Variants in TRAF6 observed in about 807,000 individuals in gnomAD.
The protein encoded by TRAF6 is TNF receptor-associated factor 6.
In TRAF6, 10 loss-of-function variants were observed where a neutral mutation model predicts 48.4. The ratio of observed to expected loss-of-function variants is 0.21; its 90% confidence interval spans 0.13 to 0.35. TRAF6 has a LOEUF of 0.35. Among genes scored for constraint, TRAF6 ranks in the 10% least tolerant of loss-of-function variants. The pLI is 1.00. For missense variants in TRAF6, 397 were observed against 661.0 expected, an observed-to-expected ratio of 0.60 and a Z score of 4.38; for synonymous variants, 186 against 219.6, an observed-to-expected ratio of 0.85 and a Z score of 1.35.
chr11:36,499,660 G>A (rs960788687), intron 2 of TRAF6, among the ~76,000 whole-genome samples: 12 of 152,242 alleles, frequency 7.9e-5, no homozygotes, highest in Admixed American at 7.2e-4. Context: ...TTAAGTCAGC[G>A]CTGTGTAATA....
At position 36,489,738 on chromosome 11, in the gene TRAF6, A is replaced by T; in HGVS notation, c.*100T>A. ...CTAACAACACTCACTAGTAGATATT[A>T]CATATTTCCCGTGGCTTGTTTGTTT... is the stretch of plus-strand genomic sequence containing the variant. On this transcript the variant is annotated 3_prime_UTR_variant, in exon 7 of 7. Coordinates refer to ENST00000526995, the MANE Select transcript of TRAF6 (RefSeq NM_004620.4). The T allele has an allele frequency of 8.1e-7, 1 of 1,228,662 alleles. No homozygotes were observed. The highest frequency in any genetic ancestry group is 1.2e-6 in the Non-Finnish European group (1 of 868,562). 76.1% of individuals were successfully genotyped at this position (1,228,662 alleles called of 1,614,324 possible).
chr11:36,499,788 AG>A (rs1328657581), intron 2 of TRAF6, among the ~76,000 whole-genome samples: 2 of 152,226 alleles, frequency 1.3e-5, no homozygotes, highest in African/African-American at 4.8e-5. Flanking sequence ...TTAATGTAAA[AG>A]TTGGCAGATA....
chr11:36,502,498 T>C (rs1859731431), intron 1 of TRAF6, among the ~76,000 whole-genome samples: 2 of 152,112 alleles, frequency 1.3e-5, no homozygotes, highest in African/African-American at 4.8e-5. Context: ...CTAGTATGTG[T>C]CAGATATCAT....
Position 36,510,093 on chromosome 11 carries a change from C to G in TRAF6, c.-68G>C, listed in dbSNP as rs1158463484. 1.3e-5 allele frequency: 2 copies of G among 152,418 alleles called. No individual in the cohort carries two copies. Among genetic ancestry groups the G allele is most frequent in the Non-Finnish European group, 2.9e-5 (2 of 68,232 alleles). 9.4% of individuals were successfully genotyped at this position (152,418 alleles called of 1,614,324 possible). The stretch of plus-strand genomic sequence containing the variant: ...CCGAACCAGGAGGGCAGGGCTCCCC[C>G]ACCAACCGCACGACTCCGCTCAGCC... On this transcript the variant is annotated 5_prime_UTR_variant, in exon 1 of 7. Transcript: ENST00000526995.
chr11:36,497,287 G>C (rs1319770345), intron 3 of TRAF6, 21 bp from the exon 4 acceptor site: 8 of 1,601,354 alleles, frequency 5.0e-6, no homozygotes, highest in Non-Finnish European at 6.8e-6. Flanking sequence ...AAAAATAATG[G>C]ATTAGCATTA....
At chr11:36,508,573 A>G (rs538672335) in intron 1 of TRAF6, among the ~76,000 whole-genome samples, 9 of 152,316 alleles carry the variant, frequency 5.9e-5, no homozygotes, top group African/African-American at 1.9e-4. Context: ...AAATGAGTCA[A>G]TTTTAAGTCA....
chr11:36,497,418 T>C (rs937593861), intron 3 of TRAF6, 152 bp from the exon 4 acceptor site: 7 of 666,772 alleles, frequency 1.0e-5, no homozygotes, highest in African/African-American at 1.9e-5. Context: ...TGAACGTCTT[T>C]AGCGAATTTT....
intron 1 of TRAF6, among the ~76,000 whole-genome samples, chr11:36,509,300 C>T (rs1859861909): frequency 6.6e-6 from 1 of 152,208 alleles, no homozygotes; most frequent in African/African-American, 2.4e-5. Context: ...TCAAGACAGT[C>T]CTAACTCAGC....
rs555734065 is a variant in TRAF6, at chr11:36,488,587, T to G, written c.*1251A>C. 7.2e-5 allele frequency: 11 copies of G among 152,386 alleles called. No homozygotes were observed. The East Asian group carries it at 2.1e-3, about 29-fold the overall frequency. The allele number at this position is 152,386 out of a possible 1,614,324, so 9.4% of individuals were successfully genotyped here. A position where few individuals can be genotyped will look rare whatever the true frequency, so the allele number is the denominator to read the frequency against. ...GAACTAGATTCCACGATATTTTATA[T>G]CTATATATAGGCCTTTAACAAATAC... is the stretch of plus-strand genomic sequence containing the variant. On this transcript the variant is annotated 3_prime_UTR_variant, in exon 7 of 7. Transcript: ENST00000526995.
chr11:36,498,388 T>C, intron 3 of TRAF6, 102 bp downstream of exon 3: 1 of 975,602 alleles, frequency 1.0e-6, no homozygotes. Context: ...CCAATCATCA[T>C]ATGCTAGGTA....
chr11:36,508,616 T>A (rs893936666), intron 1 of TRAF6, among the ~76,000 whole-genome samples: 1 of 152,186 alleles, frequency 6.6e-6, no homozygotes, highest in Non-Finnish European at 1.5e-5. Context: ...ATGTAACTTA[T>A]TGAAGTAAAA....
rs867771406 is a variant in TRAF6 at position 36,486,898 on chromosome 11, G to A, written c.*2940C>T. The A allele has an allele frequency of 6.6e-6, 1 of 152,048 alleles. No individual in the cohort carries two copies. The highest frequency in any genetic ancestry group is 1.9e-4 in the East Asian group (1 of 5,164). The allele number at this position is 152,048 out of a possible 1,614,324, so 9.4% of individuals were successfully genotyped here. The stretch of plus-strand genomic sequence containing the variant: ...GAGGTCAGGAGTTCCAGACGAGACT[G>A]GCCAATATGGTGAAACCCGGTCTCT... On this transcript the variant is annotated 3_prime_UTR_variant, in exon 7 of 7. Transcript: ENST00000526995.
rs923491946 is a variant in TRAF6, at chr11:36,483,830, T to C, written c.*6008A>G. ...TTCTTGTAGACATTGATGCAGTACA[T>C]AGGGCTGGTAAGGAAGTAGTAACAG... On this transcript the variant is annotated 3_prime_UTR_variant, in exon 7 of 7. Coordinates refer to ENST00000526995, the MANE Select transcript of TRAF6 (RefSeq NM_004620.4). Among the ~76,000 whole-genome samples the C allele has an allele frequency of 5.3e-5, 8 of 152,152 alleles. No individual in the cohort carries two copies. The highest frequency in any genetic ancestry group is 1.3e-4 in the Admixed American group (2 of 15,252).
In TRAF6 at chr11:36,501,277, G is replaced by A; in HGVS notation, c.239C>T (p.Ala80Val). 3.7e-6 allele frequency: 6 copies of A among 1,613,452 alleles called. No individual in the cohort carries two copies. Among genetic ancestry groups the A allele is most frequent in the Non-Finnish European group, 5.1e-6 (6 of 1,179,960 alleles). Reference protein sequence around the residue: ...CPICLMALREAVQTPCGHRFC... With the variant: ...CPICLMALREVVQTPCGHRFC... ...CCTATGGCCGCATGGCGTTTGCACT[G>A]CTTCTCGTAATGCCATCAAGCAGAT... The change falls in exon 2 of 7, where the codon GCA (alanine) becomes GTA (valine). Residue 80 changes from alanine to valine, a missense_variant. This residue lies in a region of TRAF6 where 5 missense variants were observed against 25.7 expected (regional missense o/e 0.19). Transcript: ENST00000526995.
rs949040707 is a variant in TRAF6, at chr11:36,497,009, C to T, written c.606+99G>A. 6.4e-6 allele frequency: 8 copies of T among 1,250,880 alleles called. No homozygotes were observed. In the Admixed American group the frequency reaches 8.0e-5, roughly 12 times the overall value. The allele number at this position is 1,250,880 out of a possible 1,614,324, so 77.5% of individuals were successfully genotyped here. A position where few individuals can be genotyped will look rare whatever the true frequency, so the allele number is the denominator to read the frequency against. On this transcript the variant is annotated intron_variant, in intron 4 of 6. Transcript: ENST00000526995. Reference sequence around the variant, plus strand: ...AAAATTGATAATGTAGACTCAGAGTCGGAGTCACATCCTTATCTACTGCTA... The same window carrying T: ...AAAATTGATAATGTAGACTCAGAGTTGGAGTCACATCCTTATCTACTGCTA...
At chr11:36,494,542 A>G (rs967322041) in intron 5 of TRAF6, among the ~76,000 whole-genome samples, 3 of 152,084 alleles carry the variant, frequency 2.0e-5, no homozygotes, top group African/African-American at 7.2e-5. Flanking sequence ...TCTCCTACTG[A>G]ACAGAACTGC....
In TRAF6 at chr11:36,509,362, T is replaced by A. The variant is rs78196445; in HGVS notation, c.-23+686A>T. ...GGAACAGCTTTATCAACCCGGCGTCTGGAACAATCGCTCGAACTACCGAGT... is the reference window on the plus strand; with the variant it reads ...GGAACAGCTTTATCAACCCGGCGTCAGGAACAATCGCTCGAACTACCGAGT... On this transcript the variant is annotated intron_variant, in intron 1 of 6. Transcript: ENST00000526995. 4.9e-4 allele frequency among the ~76,000 whole-genome samples: 74 copies of A among 151,956 alleles called. 1 individual carries two copies. The East Asian group carries it at 0.013, about 27-fold the overall frequency.
chr11:36,495,860 C>A (rs1234129477), intron 4 of TRAF6, among the ~76,000 whole-genome samples: 7 of 151,998 alleles, frequency 4.6e-5, no homozygotes, highest in Admixed American at 4.6e-4. Flanking sequence ...CCATTGCATT[C>A]CAGCCTGGGC....
At position 36,487,302 on chromosome 11, in the gene TRAF6, G is replaced by A. The variant is rs763504094; in HGVS notation, c.*2536C>T. ...GAATAGAGTAGGAGATTGGGAAAAT[G>A]TAAGGAAGAAACCAACTTTCCAGGT... On this transcript the variant is annotated 3_prime_UTR_variant, in exon 7 of 7. Transcript: ENST00000526995. 2 of 152,226 alleles carry A rather than the reference G, an allele frequency of 1.3e-5. No homozygotes were observed. Among genetic ancestry groups the A allele is most frequent in the Admixed American group, 6.5e-5 (1 of 15,286 alleles). The allele number at this position is 152,226 out of a possible 1,614,324, so 9.4% of individuals were successfully genotyped here. A position where few individuals can be genotyped will look rare whatever the true frequency, so the allele number is the denominator to read the frequency against.
Sources: gnomAD v4.1 joint callset for allele counts (sites outside exome capture counted in the v4.1 genomes callset) on GRCh38, gnomAD v4.1.1 for gene constraint, gnomAD v4.1.1 regional missense constraint, MANE v1.5 for transcripts, NCBI Gene and HGNC (gene_info 2026-07-23, HGNC 2026-07-21) for gene names.